The following DIP2A variants were observed in gnomAD, a reference collection of about 807,000 sequenced individuals.
DIP2A encodes disco-interacting protein 2 homolog A.
DIP2A carries 85 observed loss-of-function variants against 177.4 expected under a neutral mutation model. The ratio of observed to expected loss-of-function variants is 0.48; its 90% confidence interval spans 0.40 to 0.57. The LOEUF (loss-of-function observed/expected upper bound fraction) is 0.57. DIP2A is among the 20% of genes least tolerant of loss of function. The pLI is 0.00. For synonymous variants in DIP2A, 886 were observed against 881.8 expected (o/e 1.00, Z -0.08); for missense variants, 1,791 against 2,100.2 (o/e 0.85, Z 2.88).
rs373490684 is a variant in DIP2A at position 46,531,740 on chromosome 21, A to G, written c.1195-387A>G. On this transcript the variant is annotated intron_variant, in intron 9 of 37. Coordinates refer to ENST00000417564, the MANE Select transcript of DIP2A (RefSeq NM_015151.4). Reference sequence around the variant, plus strand: ...CAAATTCTGTAAAAATATACTTTCCATACCAAACATCTAGTCTGAAGGTTA... The same window carrying G: ...CAAATTCTGTAAAAATATACTTTCCGTACCAAACATCTAGTCTGAAGGTTA... Among the ~76,000 whole-genome samples the G allele has an allele frequency of 4.6e-5, 7 of 152,220 alleles. 1 individual carries two copies. The highest frequency in any genetic ancestry group is 3.3e-4 in the Admixed American group (5 of 15,286).
chr21:46,506,318 A>G (rs1234851900), intron 6 of DIP2A, among the ~76,000 whole-genome samples: 1 of 152,134 alleles, frequency 6.6e-6, no homozygotes, highest in African/African-American at 2.4e-5. Flanking sequence ...GGATTTCACC[A>G]TGTTGTCCAG....
In DIP2A at chr21:46,490,729, C is replaced by T; in HGVS notation, c.283+10C>T. On this transcript the variant is annotated intron_variant, in intron 3 of 37. Transcript: ENST00000417564. ...GAGCGCTTCCGGTCAGGTAGGGTCA[C>T]AGCCTAGGCAGTGGGGAAGGTGGAC... The T allele has an allele frequency of 1.3e-6, 2 of 1,562,442 alleles. No homozygotes were observed. The highest frequency in any genetic ancestry group is 1.2e-5 in the South Asian group (1 of 84,468).
intron 5 of DIP2A, among the ~76,000 whole-genome samples, chr21:46,503,633 T>C (rs887686037): frequency 0.031 from 3,455 of 112,542 alleles, 106 homozygotes; most frequent in African/African-American, 0.086. Context: ...TCTTTCTTTC[T>C]TTCCTTTCTT....
chr21:46,578,507 G>A, the DIP2A span, among the ~76,000 whole-genome samples: 5 of 152,298 alleles, frequency 3.3e-5, no homozygotes, highest in East Asian at 9.6e-4. Flanking sequence ...AATAGGAGTG[G>A]TGAGAGGGGG....
intron 25 of DIP2A, chr21:46,553,452 G>C (rs2148878014): frequency 6.6e-6 from 1 of 152,402 alleles, no homozygotes; most frequent in East Asian, 1.9e-4. Flanking sequence ...TGAGCAGAGA[G>C]GTAGGGTTAC....
At chr21:46,528,395 AAGT>A (rs1039261511) in intron 8 of DIP2A, among the ~76,000 whole-genome samples, 2 of 151,950 alleles carry the variant, frequency 1.3e-5, no homozygotes, top group Non-Finnish European at 1.5e-5. Flanking sequence ...TTAATTTAAA[AAGT>A]AGGGTGAAGT....
chr21:46,541,941 G>GT, intron 18 of DIP2A, 46 bp downstream of exon 18: 2 of 1,611,560 alleles, frequency 1.2e-6, no homozygotes, highest in Non-Finnish European at 1.7e-6. Context: ...ACTGATTGAG[G>GT]TAACGAAAAG....
At chr21:46,474,809 A>T (rs1018613864) in intron 1 of DIP2A, among the ~76,000 whole-genome samples, 1 of 152,108 alleles carries the variant, frequency 6.6e-6, no homozygotes, top group African/African-American at 2.4e-5. Flanking sequence ...AAAGGAATTC[A>T]TAGTCTAGGT....
intron 25 of DIP2A, among the ~76,000 whole-genome samples, chr21:46,552,641 A>T (rs1461835329): frequency 6.6e-6 from 1 of 152,166 alleles, no homozygotes; most frequent in African/African-American, 2.4e-5. Context: ...CATTCGAATT[A>T]AAAAAATACT....
intron 1 of DIP2A, among the ~76,000 whole-genome samples, chr21:46,466,215 T>A (rs1046770654): frequency 1.5e-4 from 23 of 152,252 alleles, no homozygotes; most frequent in African/African-American, 5.3e-4. Flanking sequence ...ATTTTCCAGC[T>A]CACCATTGCA....
At chr21:46,503,651 T>TTCTTTCC (rs1208715049) in intron 5 of DIP2A, among the ~76,000 whole-genome samples, 1 of 95,978 alleles carries the variant, frequency 1.0e-5, no homozygotes, top group African/African-American at 4.1e-5. Context: ...CTTTCTTTCT[T>TTCTTTCC]TTTCTTTCTT....
At chr21:46,532,379 C>A in intron 10 of DIP2A, 142 bp downstream of exon 10, 1 of 664,916 alleles carries the variant, frequency 1.5e-6, no homozygotes, top group Non-Finnish European at 2.5e-6. Flanking sequence ...AACAGGCTGG[C>A]CAGGACTCAA....
chr21:46,503,568 ATTTC>A (rs758020781), intron 5 of DIP2A, among the ~76,000 whole-genome samples: 31,830 of 102,804 alleles, frequency 0.31, 3,808 homozygotes, highest in East Asian at 0.38. Flanking sequence ...CCTTGAGGGA[ATTTC>A]TTCCTTCCTT....
chr21:46,502,568 C>T (rs1399027092), intron 5 of DIP2A, among the ~76,000 whole-genome samples: 3 of 151,090 alleles, frequency 2.0e-5, no homozygotes, highest in Non-Finnish European at 4.4e-5. Context: ...CTGCCTCAGC[C>T]TCCCGAGTAG....
chr21:46,502,367 A>G (rs901105225), intron 5 of DIP2A, among the ~76,000 whole-genome samples: 2 of 151,132 alleles, frequency 1.3e-5, no homozygotes, highest in African/African-American at 2.4e-5. Context: ...CCTGGGCTCA[A>G]GTGATCCTCC....
chr21:46,492,122 A>G (rs1053523301), intron 3 of DIP2A, among the ~76,000 whole-genome samples: 8 of 150,882 alleles, frequency 5.3e-5, no homozygotes, highest in African/African-American at 1.9e-4. Context: ...TTTTAGTGCC[A>G]TTTTAGTGCC....
At chr21:46,469,368 C>T (rs1226949498) in intron 1 of DIP2A, 1 of 152,212 alleles carries the variant, frequency 6.6e-6, no homozygotes, top group African/African-American at 2.4e-5. Context: ...GGATCTGTGC[C>T]TCAGGGAGCT....
At chr21:46,561,838 C>T (rs752103655) in intron 34 of DIP2A, 33 bp downstream of exon 34, 9 of 1,612,694 alleles carry the variant, frequency 5.6e-6, no homozygotes, top group East Asian at 2.2e-5. Context: ...CATTCTGAGT[C>T]GCGTCTGAGA....
intron 1 of DIP2A, among the ~76,000 whole-genome samples, chr21:46,482,674 C>T (rs1314326737): frequency 1.3e-5 from 2 of 152,158 alleles, no homozygotes; most frequent in African/African-American, 4.8e-5. Context: ...CCCTTGTGCA[C>T]TACTCATCTT....
Sources: allele counts gnomAD v4.1 joint callset (sites outside exome capture counted in the v4.1 genomes callset), GRCh38; gene constraint gnomAD v4.1.1; transcripts MANE v1.5; gene names NCBI Gene and HGNC (gene_info 2026-07-23, HGNC 2026-07-21).